PLCD4: variants seen among roughly 807,000 people sequenced by gnomAD.
PLCD4 encodes phospholipase C delta 4, also known as 1-phosphatidylinositol 4,5-bisphosphate phosphodiesterase delta-4.
A neutral mutation model predicts 90.2 loss-of-function variants in PLCD4; 63 were observed. That is an observed-to-expected ratio of 0.70 (90% CI 0.57 to 0.86). PLCD4 has a LOEUF of 0.86. PLCD4 is among the 40% of genes least tolerant of loss of function. PLCD4 has a pLI of 0.00. For synonymous variants in PLCD4, 294 were observed against 356.5 expected, an observed-to-expected ratio of 0.82 and a Z score of 1.97; for missense variants, 830 against 956.3, an observed-to-expected ratio of 0.87 and a Z score of 1.74.
intron 1 of PLCD4, among the ~76,000 whole-genome samples, chr2:218,608,932 A>G (rs1170664500): frequency 2.0e-5 from 3 of 151,952 alleles, no homozygotes; most frequent in East Asian, 3.9e-4. Flanking sequence ...AGGTCAGGAG[A>G]TTGAGACCAT....
intron 13 of PLCD4, among the ~76,000 whole-genome samples, chr2:218,635,488 G>A (rs908093828): frequency 2.0e-5 from 3 of 151,998 alleles, no homozygotes; most frequent in Admixed American, 6.6e-5. Flanking sequence ...ACAGGCGCCC[G>A]CCACCATGCC....
intron 1 of PLCD4, 109 bp from the exon 2 acceptor site, chr2:218,615,598 A>G: frequency 1.2e-6 from 1 of 852,242 alleles, no homozygotes; most frequent in South Asian, 2.2e-5. Context: ...CAGGTTTCTA[A>G]ACCTATCTAA....
At chr2:218,615,484 G>A (rs1038790484) in intron 1 of PLCD4, among the ~76,000 whole-genome samples, 12 of 152,252 alleles carry the variant, frequency 7.9e-5, no homozygotes, top group Middle Eastern at 3.4e-3. Context: ...GGTGCTGGGC[G>A]GAATCTTTGG....
At chr2:218,624,619 C>A (rs1696021634) in intron 6 of PLCD4, among the ~76,000 whole-genome samples, 1 of 150,962 alleles carries the variant, frequency 6.6e-6, no homozygotes, top group Admixed American at 6.6e-5. Context: ...CTTAAGGAGG[C>A]TGAGGCATAA....
At chr2:218,631,203 C>G (rs1041086800) in intron 9 of PLCD4, among the ~76,000 whole-genome samples, 7 of 151,964 alleles carry the variant, frequency 4.6e-5, no homozygotes, top group African/African-American at 1.7e-4. Context: ...TCGCTCTTGT[C>G]GCCCAGGCTG....
chr2:218,633,872 A>ACCC, intron 11 of PLCD4, 111 bp downstream of exon 11: 4 of 1,369,070 alleles, frequency 2.9e-6, no homozygotes, highest in Non-Finnish European at 4.0e-6. Flanking sequence ...GGAGAGATGA[A>ACCC]GGAGTTCAGA....
At chr2:218,613,450 A>G (rs1322082783) in intron 1 of PLCD4, among the ~76,000 whole-genome samples, 1 of 152,106 alleles carries the variant, frequency 6.6e-6, no homozygotes, top group East Asian at 1.9e-4. Flanking sequence ...ACCCTTTAAA[A>G]AAAAGAAACT....
intron 10 of PLCD4, among the ~76,000 whole-genome samples, chr2:218,632,910 GGGAA>G (rs1412513473): frequency 1.3e-5 from 2 of 152,140 alleles, no homozygotes; most frequent in African/African-American, 4.8e-5. Flanking sequence ...TCTCCCTATG[GGGAA>G]GGGAGGCAGA....
At position 218,628,094 on chromosome 2, in the gene PLCD4, A is replaced by G; in HGVS notation, c.838A>G (p.Ile280Val). The G allele has an allele frequency of 6.2e-7, 1 of 1,614,024 alleles. No individual in the cohort carries two copies. The highest frequency in any genetic ancestry group is 2.2e-5 in the East Asian group (1 of 44,886). ...LSYLCSKDGD[I>V]FNPACLPIYQ... ...CTACCTCTGCTCTAAGGATGGAGAC[A>G]TCTTCAACCCAGCCTGCCTCCCCAT... The change falls in exon 7 of 16, where the codon ATC (isoleucine) becomes GTC (valine). Residue 280 changes from isoleucine to valine, a missense_variant. Ile to Val is a conservative substitution (Grantham distance 29). Coordinates refer to ENST00000450993, the MANE Select transcript of PLCD4 (RefSeq NM_032726.4).
intron 6 of PLCD4, among the ~76,000 whole-genome samples, chr2:218,623,687 T>C (rs1209201764): frequency 6.6e-6 from 1 of 152,214 alleles, no homozygotes; most frequent in African/African-American, 2.4e-5. Flanking sequence ...TTTTTCTATT[T>C]TTTTGTTTTT....
intron 14 of PLCD4, 124 bp from the exon 15 acceptor site, chr2:218,636,119 T>C (rs879735198): frequency 7.2e-7 from 1 of 1,388,768 alleles, no homozygotes; most frequent in South Asian, 1.3e-5. Context: ...TTGCTTACTC[T>C]GAGCCTTTTT....
chr2:218,636,569 G>A lies in PLCD4; in HGVS notation c.2281G>A (p.Glu761Lys). ...ICIQEGLEGDES is the reference protein window; with the variant it reads ...ICIQEGLEGDKS ...CATCCAGGAAGGCCTGGAGGGGGAT[G>A]AGTCCTGAGGTGGGCATTTCACGGG... Residue 761 changes from glutamate to lysine, a missense_variant, in exon 16 of 16, where the codon GAG becomes AAG. Transcript: ENST00000450993. 6.2e-7 allele frequency: 1 copy of A among 1,613,908 alleles called. No individual in the cohort carries two copies. Among genetic ancestry groups the A allele is most frequent in the South Asian group, 1.1e-5 (1 of 91,046 alleles).
intron 4 of PLCD4, among the ~76,000 whole-genome samples, chr2:218,619,296 G>A (rs1695768657): frequency 6.7e-6 from 1 of 148,794 alleles, no homozygotes; most frequent in Non-Finnish European, 1.5e-5. Context: ...TATATGTTTT[G>A]TTTTGTTTTG....
In PLCD4 at chr2:218,628,170, A is replaced by G; in HGVS notation, c.914A>G (p.His305Arg). Residue 305 changes from histidine to arginine, a missense_variant, in exon 7 of 16, where the codon CAT becomes CGT. Coordinates refer to ENST00000450993, the MANE Select transcript of PLCD4 (RefSeq NM_032726.4). ...AACCACTACTTCATCTGCTCTTCTC[A>G]TAACACCTACCTAGTGGGGGACCAG... ...PLNHYFICSS[H>R]NTYLVGDQLC... The G allele has an allele frequency of 6.2e-7, 1 of 1,614,046 alleles. No homozygotes were observed. The highest frequency in any genetic ancestry group is 8.5e-7 in the Non-Finnish European group (1 of 1,179,896).
At chr2:218,632,392 G>C (rs1193414957) in intron 10 of PLCD4, 80 bp downstream of exon 10, 9 of 1,410,460 alleles carry the variant, frequency 6.4e-6, no homozygotes, top group Non-Finnish European at 8.5e-6. Flanking sequence ...GACTAGAGCC[G>C]TGCAAGATGC....
chr2:218,635,975 T>C (rs1479521068), intron 14 of PLCD4, 44 bp downstream of exon 14: 1 of 1,612,998 alleles, frequency 6.2e-7, no homozygotes, highest in Non-Finnish European at 8.5e-7. Context: ...AGGAGCATGA[T>C]TAGTTTTCCT....
intron 9 of PLCD4, among the ~76,000 whole-genome samples, chr2:218,631,886 A>C (rs978519005): frequency 3.9e-5 from 6 of 152,214 alleles, no homozygotes; most frequent in Admixed American, 2.0e-4. Context: ...CTAATCTATA[A>C]CGAGTATTTA....
At chr2:218,616,532 G>T (rs1408955552) in intron 3 of PLCD4, among the ~76,000 whole-genome samples, 1 of 151,820 alleles carries the variant, frequency 6.6e-6, no homozygotes, top group Non-Finnish European at 1.5e-5. Flanking sequence ...GACAACATAG[G>T]GAGATCCTGT....
intron 2 of PLCD4, 58 bp from the exon 3 acceptor site, chr2:218,615,846 C>T (rs1695555051): frequency 3.1e-6 from 5 of 1,606,912 alleles, no homozygotes; most frequent in Non-Finnish European, 4.3e-6. Flanking sequence ...TTCCAGAGCT[C>T]TCCCTGGGCC....
Sources: gnomAD v4.1 joint callset for allele counts (sites outside exome capture counted in the v4.1 genomes callset) on GRCh38, gnomAD v4.1.1 for gene constraint, MANE v1.5 for transcripts, NCBI Gene and HGNC (gene_info 2026-07-23, HGNC 2026-07-21) for gene names.